SLC2A5: variants seen among roughly 807,000 people sequenced by gnomAD.
The protein encoded by SLC2A5 is solute carrier family 2 member 5.
A neutral mutation model predicts 50.3 loss-of-function variants in SLC2A5; 56 were observed. That is an observed-to-expected ratio of 1.11 (90% CI 0.90 to 1.39). The LOEUF is 1.39. Ranked by LOEUF, SLC2A5 falls within the 40% of genes most tolerant of loss-of-function variation. The pLI, the probability that SLC2A5 is intolerant of heterozygous loss-of-function variation, is 0.00. For missense variants in SLC2A5, 566 were observed against 650.1 expected, an observed-to-expected ratio of 0.87 and a Z score of 1.41; for synonymous variants, 269 against 281.9, an observed-to-expected ratio of 0.95 and a Z score of 0.46.
At chr1:9,093,055 A>G (rs1285773110), upstream of SLC2A5, among the ~76,000 whole-genome samples, 1 of 151,110 alleles carries the variant, frequency 6.6e-6, no homozygotes, top group Non-Finnish European at 1.5e-5. Context: ...ACCTCTACAA[A>G]CCCCTCTCGT....
chr1:9,058,079 G>T lies in SLC2A5; in HGVS notation c.132+73C>A, dbSNP rs527498372. 9 of 1,115,582 alleles carry T rather than the reference G, an allele frequency of 8.1e-6. No homozygotes were observed. In the African/African-American group the frequency reaches 1.2e-4, roughly 15 times the overall value. The allele number at this position is 1,115,582 out of a possible 1,614,324, so 69.1% of individuals were successfully genotyped here. On this transcript the variant is annotated intron_variant, in intron 2 of 11. Coordinates refer to ENST00000377424, the MANE Select transcript of SLC2A5 (RefSeq NM_003039.3). ...GGACCCACTGCGTGAACAGCCCCAC[G>T]CTGGCCAGTCCCACCCAGGCAATGG...
At chr1:9,048,996 G>A in intron 3 of SLC2A5, 1 of 369,030 alleles carries the variant, frequency 2.7e-6, no homozygotes, top group Non-Finnish European at 5.4e-6. Context: ...ATAAATAGAA[G>A]AACTTCTTTA....
In SLC2A5 at chr1:9,037,535, C is replaced by A. The variant is rs1189889472; in HGVS notation, c.*51G>T. 2.6e-6 allele frequency: 4 copies of A among 1,516,964 alleles called. No homozygotes were observed. Among genetic ancestry groups the A allele is most frequent in the African/African-American group, 1.4e-5 (1 of 72,648 alleles). The allele number at this position is 1,516,964 out of a possible 1,614,324, so 94.0% of individuals were successfully genotyped here. A position where few individuals can be genotyped will look rare whatever the true frequency, so the allele number is the denominator to read the frequency against. ...GACAGCTAGAAGTCAGAAAAATAAG[C>A]CAAAGTGGGAAGCCCCTGGCAGACC... On this transcript the variant is annotated 3_prime_UTR_variant, in exon 12 of 12. Transcript: ENST00000377424.
At chr1:9,085,906 AAGGG>A in intron 1 of SLC2A5, among the ~76,000 whole-genome samples, 1 of 152,266 alleles carries the variant, frequency 6.6e-6, no homozygotes, top group African/African-American at 2.4e-5. Flanking sequence ...AGAAAAGCTG[AAGGG>A]AGGAAGGGTC....
upstream of SLC2A5, among the ~76,000 whole-genome samples, chr1:9,090,805 A>G (rs1642455623): frequency 6.6e-6 from 1 of 152,206 alleles, no homozygotes; most frequent in Non-Finnish European, 1.5e-5. Context: ...AGGCACTTCA[A>G]TTAGACCTCT....
In SLC2A5 at chr1:9,037,408, A is replaced by G. The variant is rs1641159734; in HGVS notation, c.*178T>C. ...CATGGAGAGAGACAGCCCAGCTTCA[A>G]GAACAGCAAGGCAGCCCTTTGCACA... On this transcript the variant is annotated 3_prime_UTR_variant, in exon 12 of 12. Transcript: ENST00000377424. The G allele has an allele frequency of 1.7e-6, 1 of 599,026 alleles. No homozygotes were observed. Among genetic ancestry groups the G allele is most frequent in the African/African-American group, 1.9e-5 (1 of 53,930 alleles). 37.1% of individuals were successfully genotyped at this position (599,026 alleles called of 1,614,324 possible).
At chr1:9,059,141 T>TC (rs1557674933) in intron 1 of SLC2A5, among the ~76,000 whole-genome samples, 1 of 94,360 alleles carries the variant, frequency 1.1e-5, no homozygotes, top group Non-Finnish European at 2.1e-5. Flanking sequence ...TCTTTCTTTT[T>TC]TTTTTTTTTT....
chr1:9,041,950 G>A lies in SLC2A5; in HGVS notation c.419-13C>T. 1 of 1,570,922 alleles carries A rather than the reference G, an allele frequency of 6.4e-7. No homozygotes were observed. The highest frequency in any genetic ancestry group is 1.2e-5 in the South Asian group (1 of 85,266). ...TTGGAAGATACACCTGGGAGGAGGTGAAATAGAAACACCATCAGAAAAAAT... is the reference window on the plus strand; with the variant it reads ...TTGGAAGATACACCTGGGAGGAGGTAAAATAGAAACACCATCAGAAAAAAT... On this transcript the variant is annotated splice_polypyrimidine_tract_variant and intron_variant, in intron 4 of 11. Coordinates refer to ENST00000377424, the MANE Select transcript of SLC2A5 (RefSeq NM_003039.3).
intron 1 of SLC2A5, among the ~76,000 whole-genome samples, chr1:9,067,735 C>A (rs1472042549): frequency 1.3e-5 from 2 of 152,162 alleles, no homozygotes; most frequent in African/African-American, 2.4e-5. Context: ...TCGGTTGTCA[C>A]TCCTGGGGGA....
At chr1:9,094,036 G>A in the SLC2A5 span, among the ~76,000 whole-genome samples, 3 of 152,078 alleles carry the variant, frequency 2.0e-5, no homozygotes, top group Admixed American at 6.6e-5. Flanking sequence ...CTAAACACAC[G>A]CCCCTTTTAC....
At chr1:9,087,763 A>G (rs1431852637) in intron 1 of SLC2A5, among the ~76,000 whole-genome samples, 1 of 151,684 alleles carries the variant, frequency 6.6e-6, no homozygotes, top group African/African-American at 2.4e-5. Context: ...GGCTCTCAAA[A>G]CCCTCAGGTC....
chr1:9,088,691 G>A (rs1048188056), upstream of SLC2A5, among the ~76,000 whole-genome samples: 4 of 152,212 alleles, frequency 2.6e-5, no homozygotes, highest in African/African-American at 7.2e-5. Context: ...GCTGAGGCAG[G>A]AGAATTGCCT....
In SLC2A5 at chr1:9,041,836, T is replaced by G; in HGVS notation, c.520A>C (p.Ile174Leu). The change falls in exon 5 of 12, where the codon ATC becomes CTC. Residue 174 changes from isoleucine to leucine, a missense_variant. By Grantham distance (5) the Ile-to-Leu change is conservative (BLOSUM62 2). Coordinates refer to ENST00000377424, the MANE Select transcript of SLC2A5 (RefSeq NM_003039.3). Reference sequence around the variant, plus strand: ...AGACCAAAGATCTGGGCCACAAGGATGCCAACAGTGATGAAGAGCTGGGGC... The same window carrying G: ...AGACCAAAGATCTGGGCCACAAGGAGGCCAACAGTGATGAAGAGCTGGGGC... Reference protein sequence around the residue: ...VVPQLFITVGILVAQIFGLRN... With the variant: ...VVPQLFITVGLLVAQIFGLRN... 1 of 1,613,934 alleles carries G rather than the reference T, an allele frequency of 6.2e-7. No individual in the cohort carries two copies. The highest frequency in any genetic ancestry group is 1.1e-5 in the South Asian group (1 of 91,068).
intron 10 of SLC2A5, 52 bp from the exon 11 acceptor site, chr1:9,038,076 C>A: frequency 1.9e-6 from 3 of 1,594,268 alleles, no homozygotes; most frequent in Non-Finnish European, 2.6e-6. Flanking sequence ...CCCGAGCATC[C>A]CAGGCCTGGC....
chr1:9,077,447 A>C (rs1642298499), intron 2 of SLC2A5, among the ~76,000 whole-genome samples: 1 of 144,882 alleles, frequency 6.9e-6, no homozygotes, highest in Admixed American at 7.0e-5. Flanking sequence ...CAAAAAAAAA[A>C]CCCCCAGAAA....
chr1:9,082,705 G>A, intron 2 of SLC2A5: 1 of 280,418 alleles, frequency 3.6e-6, no homozygotes. Context: ...GATGGTCTGG[G>A]GAAAGGCTCC....
chr1:9,075,978 C>T lies in SLC2A5; in HGVS notation c.-58-6384G>A, dbSNP rs553830474. Among the ~76,000 whole-genome samples, 15 of 125,462 alleles carry T rather than the reference C, an allele frequency of 1.2e-4. No homozygotes were observed. The South Asian group carries it at 1.3e-3, about 10-fold the overall frequency. The allele number at this position is 125,462 out of a possible 152,430, so 82.3% of individuals were successfully genotyped here. A position where few individuals can be genotyped will look rare whatever the true frequency, so the allele number is the denominator to read the frequency against. ...GCCCGGCATTTTTTTTTTTTTGAGA[C>T]GGAGTCTCACAGTGTTGCCCAGGCT... is the stretch of plus-strand genomic sequence containing the variant. On this transcript the variant is annotated intron_variant, in intron 2 of 5. Transcript: ENST00000464985.
chr1:9,040,244 C>T lies in SLC2A5; in HGVS notation c.572-55G>A. The T allele has an allele frequency of 2.0e-6, 3 of 1,527,612 alleles. No individual in the cohort carries two copies. Among genetic ancestry groups the T allele is most frequent in the Non-Finnish European group, 2.6e-6 (3 of 1,141,762 alleles). 94.6% of individuals were successfully genotyped at this position (1,527,612 alleles called of 1,614,324 possible). A position where few individuals can be genotyped will look rare whatever the true frequency, so the allele number is the denominator to read the frequency against. ...CGGCCTCCCCACCACCCCGAAGGCGCCCTCTGCAGAGCCGGCCCCAGCCCC... is the reference window on the plus strand; with the variant it reads ...CGGCCTCCCCACCACCCCGAAGGCGTCCTCTGCAGAGCCGGCCCCAGCCCC... On this transcript the variant is annotated intron_variant, in intron 5 of 11. Coordinates refer to ENST00000377424, the MANE Select transcript of SLC2A5 (RefSeq NM_003039.3). The surrounding 1 kb of genome is among the most constrained non-coding windows in gnomAD (Gnocchi z 4.3).
intron 1 of SLC2A5, among the ~76,000 whole-genome samples, chr1:9,062,757 A>G (rs1465018748): frequency 6.6e-6 from 1 of 151,976 alleles, no homozygotes; most frequent in Non-Finnish European, 1.5e-5. Flanking sequence ...CTGTAGTCCC[A>G]GCTAGTAGGG....
Sources: gnomAD v4.1 joint callset for allele counts (sites outside exome capture counted in the v4.1 genomes callset) on GRCh38, gnomAD v4.1.1 for gene constraint, Gnocchi (gnomAD v3.1) non-coding constraint, MANE v1.5 for transcripts, NCBI Gene and HGNC (gene_info 2026-07-23, HGNC 2026-07-21) for gene names.